The following GATB variants were observed in gnomAD, a reference collection of about 807,000 sequenced individuals.
GATB encodes glutamyl-tRNA(Gln) amidotransferase subunit B, mitochondrial.
In GATB, 39 loss-of-function variants were observed where a neutral mutation model predicts 62.3. The observed-to-expected ratio is 0.63, with a 90% confidence interval of 0.48 to 0.82. The LOEUF is 0.82. Among genes scored for constraint, GATB ranks in the 40% least tolerant of loss-of-function variants. The pLI, the probability that GATB is intolerant of heterozygous loss-of-function variation, is 0.00. For synonymous variants in GATB, 276 were observed against 258.9 expected, an observed-to-expected ratio of 1.07 and a Z score of -0.63; for missense variants, 670 against 684.0, an observed-to-expected ratio of 0.98 and a Z score of 0.23.
chr4:151,726,618 T>C (rs531671830), intron 2 of GATB, among the ~76,000 whole-genome samples: 17 of 152,318 alleles, frequency 1.1e-4, no homozygotes, highest in African/African-American at 3.8e-4. Flanking sequence ...GAAAATCAAA[T>C]AGCCATCGCA....
At chr4:151,719,135 C>T (rs1028151158) in intron 3 of GATB, among the ~76,000 whole-genome samples, 3 of 152,234 alleles carry the variant, frequency 2.0e-5, no homozygotes, top group Non-Finnish European at 4.4e-5. Flanking sequence ...CCAAATACCA[C>T]GGCCAGGCTG....
intron 8 of GATB, among the ~76,000 whole-genome samples, chr4:151,702,081 T>G (rs1222616016): frequency 6.6e-6 from 1 of 152,198 alleles, no homozygotes; most frequent in East Asian, 1.9e-4. Flanking sequence ...ATGACAATCT[T>G]ATGGGACTCC....
chr4:151,722,514 A>AC, intron 2 of GATB: 1 of 369,776 alleles, frequency 2.7e-6, no homozygotes, highest in South Asian at 3.9e-5. Flanking sequence ...ATGTCCCCCC[A>AC]CAACACCTCT....
At chr4:151,683,774 A>G (rs140739036) in intron 10 of GATB, among the ~76,000 whole-genome samples, 1 of 152,196 alleles carries the variant, frequency 6.6e-6, no homozygotes, top group Non-Finnish European at 1.5e-5. Flanking sequence ...GACATGCTAT[A>G]GTTTCCCAAT....
At chr4:151,701,201 T>A (rs1738594200) in intron 9 of GATB, 128 bp downstream of exon 9, 1 of 572,706 alleles carries the variant, frequency 1.7e-6, no homozygotes, top group Non-Finnish European at 2.9e-6. Flanking sequence ...CAGTAGCATC[T>A]ATAGTACAAC....
intron 7 of GATB, among the ~76,000 whole-genome samples, chr4:151,704,674 C>T (rs1331840694): frequency 1.3e-5 from 2 of 151,752 alleles, no homozygotes; most frequent in Non-Finnish European, 2.9e-5. Flanking sequence ...AGGATGGTCT[C>T]GATCTCCTGA....
chr4:151,688,332 T>G (rs1286959127), intron 10 of GATB, among the ~76,000 whole-genome samples: 1 of 152,192 alleles, frequency 6.6e-6, no homozygotes, highest in East Asian at 1.9e-4. Context: ...GGTGGCTGTT[T>G]CCTTACAGAT....
At chr4:151,725,290 C>G (rs1399862102) in intron 2 of GATB, among the ~76,000 whole-genome samples, 1 of 152,244 alleles carries the variant, frequency 6.6e-6, no homozygotes, top group Admixed American at 6.5e-5. Context: ...GCCAGCCGAG[C>G]TGGGGCTCTA....
intron 2 of GATB, among the ~76,000 whole-genome samples, chr4:151,738,393 G>A (rs1322830036): frequency 6.6e-6 from 1 of 152,170 alleles, no homozygotes; most frequent in Non-Finnish European, 1.5e-5. Flanking sequence ...TTTTAAAGAT[G>A]GGAATTTCCT....
In GATB at chr4:151,698,205, T is replaced by C. The variant is rs377550096; in HGVS notation, c.1197+3124A>G. Among the ~76,000 whole-genome samples, 19 of 152,026 alleles carry C rather than the reference T, an allele frequency of 1.2e-4. No homozygotes were observed. The South Asian group carries it at 4.0e-3, about 32-fold the overall frequency. On this transcript the variant is annotated intron_variant, in intron 9 of 12. Coordinates refer to ENST00000263985, the MANE Select transcript of GATB (RefSeq NM_004564.3). ...ATAACATCCCATTCACTCACCCGTC[T>C]GTCCACCCAGTCATGGAGTACCTAC...
intron 9 of GATB, among the ~76,000 whole-genome samples, chr4:151,697,969 A>ATATATATATGTG (rs1738517975): frequency 4.9e-5 from 5 of 102,520 alleles, no homozygotes; most frequent in African/African-American, 1.5e-4. Context: ...ATATATATAT[A>ATATATATATGTG]TATATATATA....
chr4:151,760,672 C>T (rs1176392052), intron 1 of GATB, 135 bp downstream of exon 1: 5 of 670,946 alleles, frequency 7.5e-6, no homozygotes, highest in Non-Finnish European at 9.2e-6. Context: ...ATTTAGGTTT[C>T]GGGGCTCCAG....
intron 1 of GATB, 52 bp downstream of exon 1, chr4:151,760,755 C>T: frequency 6.7e-7 from 1 of 1,491,234 alleles, no homozygotes; most frequent in Non-Finnish European, 9.0e-7. Flanking sequence ...TTTCCCCAGT[C>T]CTGCAGTTCC....
At chr4:151,681,295 G>C (rs1738133044) in intron 10 of GATB, among the ~76,000 whole-genome samples, 1 of 152,182 alleles carries the variant, frequency 6.6e-6, no homozygotes. Flanking sequence ...TCCTGTAAGT[G>C]TCTGTTTATC....
At chr4:151,715,955 T>A in intron 5 of GATB, 54 bp downstream of exon 5, 1 of 1,590,026 alleles carries the variant, frequency 6.3e-7, no homozygotes, top group Non-Finnish European at 8.6e-7. Context: ...TCAGAGAGGT[T>A]CTAGAAGGCA....
chr4:151,683,886 A>G (rs950454129), intron 10 of GATB, among the ~76,000 whole-genome samples: 2 of 152,232 alleles, frequency 1.3e-5, no homozygotes, highest in Non-Finnish European at 2.9e-5. Flanking sequence ...GCTTCTAGGT[A>G]TCAGAGTGCA....
At chr4:151,694,622 C>CT (rs2126964334) in intron 9 of GATB, among the ~76,000 whole-genome samples, 2 of 152,236 alleles carry the variant, frequency 1.3e-5, no homozygotes, top group South Asian at 4.2e-4. Flanking sequence ...AATATGGTGC[C>CT]TGATGATGTT....
At chr4:151,755,198 T>C (rs7663045) in intron 2 of GATB, among the ~76,000 whole-genome samples, 88,499 of 151,998 alleles carry the variant, frequency 0.58, 28,019 homozygotes, top group African/African-American at 0.85. Flanking sequence ...GTCAATTATC[T>C]CCATTTTATA....
intron 9 of GATB, among the ~76,000 whole-genome samples, chr4:151,691,202 T>A (rs993548091): frequency 2.0e-5 from 3 of 152,184 alleles, no homozygotes; most frequent in African/African-American, 7.2e-5. Flanking sequence ...GAACCTTTAA[T>A]GTCCTCCTCA....
Sources: gnomAD v4.1 joint callset for allele counts (sites outside exome capture counted in the v4.1 genomes callset) on GRCh38, gnomAD v4.1.1 for gene constraint, MANE v1.5 for transcripts, NCBI Gene and HGNC (gene_info 2026-07-23, HGNC 2026-07-21) for gene names.